The following DOCK8 variants were observed in gnomAD, a reference collection of about 807,000 sequenced individuals.
The protein encoded by DOCK8 is dedicator of cytokinesis protein 8.
DOCK8 carries 141 observed loss-of-function variants against 245.6 expected under a neutral mutation model. The ratio of observed to expected loss-of-function variants is 0.57; its 90% CI spans 0.50 to 0.66. The LOEUF is 0.66. Ranked by LOEUF, DOCK8 falls within the 30% of genes least tolerant of loss-of-function variation. DOCK8 has a pLI of 0.00. For synonymous variants in DOCK8, 1,168 were observed against 970.2 expected (o/e 1.20, Z -3.79); for missense variants, 2,965 against 2,603.4 (o/e 1.14, Z -3.02).
chr9:443,552 C>G (rs1370830063), intron 43 of DOCK8, 36 bp downstream of exon 43: 1 of 1,532,090 alleles, frequency 6.5e-7, no homozygotes. Context: ...CCATCAAGCT[C>G]TAAATCCCTT....
chr9:352,324 G>A lies in DOCK8; in HGVS notation c.1679+12003G>A, dbSNP rs774487779. ...TCCTCACCGTGATGCTCTTGGGGTG[G>A]AACAAAAGAGCCCAGAGAGAATATG... On this transcript the variant is annotated intron_variant, in intron 14 of 47. Transcript: ENST00000432829. Among the ~76,000 whole-genome samples the A allele has an allele frequency of 3.9e-5, 6 of 152,066 alleles. No individual in the cohort carries two copies. The South Asian group carries it at 6.2e-4, about 16-fold the overall frequency.
At position 271,663 on chromosome 9, in the gene DOCK8, C is replaced by G. The variant is rs1291085702; in HGVS notation, c.90C>G (p.Leu30=). 3.2e-6 allele frequency: 5 copies of G among 1,551,510 alleles called. No homozygotes were observed. Among genetic ancestry groups the G allele is most frequent in the African/African-American group, 1.4e-5 (1 of 73,034 alleles). ...CGGAAATAAGGAAACAGTTTACTCT[C>G]CCACCAAACCTTGGCCAGTACCATC... ...SSAEIRKQFT[L]PPNLGQYHRQ... Residue 30 remains leucine (L), a synonymous_variant, in exon 2 of 48, where the codon CTC becomes CTG. Coordinates refer to ENST00000432829, the MANE Select transcript of DOCK8 (RefSeq NM_203447.4).
chr9:364,935 TG>T (rs1362054492), intron 14 of DOCK8, among the ~76,000 whole-genome samples: 1 of 152,168 alleles, frequency 6.6e-6, no homozygotes, highest in Non-Finnish European at 1.5e-5. Context: ...ATATGACACA[TG>T]AGCTCAACCC....
intron 30 of DOCK8, among the ~76,000 whole-genome samples, chr9:419,867 T>G (rs2056201792): frequency 6.6e-6 from 1 of 152,202 alleles, no homozygotes; most frequent in Non-Finnish European, 1.5e-5. Flanking sequence ...TCCACAAACA[T>G]GGATTTGATT....
intron 1 of DOCK8, among the ~76,000 whole-genome samples, chr9:249,608 T>A (rs1214762064): frequency 3.9e-5 from 6 of 152,046 alleles, no homozygotes; most frequent in Non-Finnish European, 7.4e-5. Flanking sequence ...TCTTATTTTT[T>A]AATTTTTTTA....
chr9:311,547 TG>T (rs2130691162), intron 5 of DOCK8, among the ~76,000 whole-genome samples: 1 of 151,986 alleles, frequency 6.6e-6, no homozygotes, highest in African/African-American at 2.4e-5. Flanking sequence ...CCACTGCACC[TG>T]GCCCAGTCTC....
At position 415,695 on chromosome 9, in the gene DOCK8, C is replaced by A. The variant is rs574796797; in HGVS notation, c.3700+744C>A. Among the ~76,000 whole-genome samples, 222 of 147,896 alleles carry A rather than the reference C, an allele frequency of 1.5e-3. 1 individual carries two copies. The highest frequency in any genetic ancestry group is 5.1e-3 in the African/African-American group (209 of 41,026). The stretch of plus-strand genomic sequence containing the variant: ...GTGTGCACGTGTGTGCGCGCGTGCA[C>A]ACACACACACACACAATTCCTATCC... On this transcript the variant is annotated intron_variant, in intron 29 of 47. Coordinates refer to ENST00000432829, the MANE Select transcript of DOCK8 (RefSeq NM_203447.4).
At chr9:428,814 C>T (rs2056597670) in intron 35 of DOCK8, among the ~76,000 whole-genome samples, 1 of 152,164 alleles carries the variant, frequency 6.6e-6, no homozygotes, top group African/African-American at 2.4e-5. Context: ...TCTGTAATAC[C>T]TCTGCTGAGT....
intron 26 of DOCK8, among the ~76,000 whole-genome samples, chr9:399,460 A>G (rs1231521896): frequency 6.6e-6 from 1 of 152,028 alleles, no homozygotes; most frequent in African/African-American, 2.4e-5. Flanking sequence ...TTCCTGGAGC[A>G]TTTACCGACA....
At chr9:220,814 G>A (rs1047231159) in intron 1 of DOCK8, 16 of 354,474 alleles carry the variant, frequency 4.5e-5, no homozygotes, top group Admixed American at 2.6e-4. Context: ...TCTGCCTCCC[G>A]GATTCAAGCG....
intron 4 of DOCK8, 146 bp downstream of exon 4, chr9:289,727 C>T: frequency 1.6e-6 from 1 of 640,164 alleles, no homozygotes; most frequent in Non-Finnish European, 2.7e-6. Flanking sequence ...TCCTTATCCC[C>T]ACTCCATATC....
intron 5 of DOCK8, 70 bp downstream of exon 5, chr9:304,774 A>G (rs995022384): frequency 6.2e-7 from 1 of 1,606,918 alleles, no homozygotes; most frequent in African/African-American, 1.3e-5. Flanking sequence ...TGTCAGTTTT[A>G]CAAACTAGAA....
At chr9:389,284 GT>G (rs2131344762) in intron 23 of DOCK8, among the ~76,000 whole-genome samples, 1 of 152,308 alleles carries the variant, frequency 6.6e-6, no homozygotes, top group Non-Finnish European at 1.5e-5. Context: ...CAGATATGCT[GT>G]AGAATGGAAA....
At chr9:275,089 C>G (rs941950965) in intron 2 of DOCK8, among the ~76,000 whole-genome samples, 1 of 152,176 alleles carries the variant, frequency 6.6e-6, no homozygotes, top group East Asian at 1.9e-4. Context: ...TTGTGACAAG[C>G]CACTTAATCT....
chr9:263,035 C>T (rs921220071), intron 1 of DOCK8, among the ~76,000 whole-genome samples: 9 of 152,076 alleles, frequency 5.9e-5, no homozygotes, highest in Non-Finnish European at 1.0e-4. Context: ...GGTGAAACCC[C>T]GTCTTTACTA....
At chr9:215,246 T>C in intron 1 of DOCK8, 1 of 1,588,850 alleles carries the variant, frequency 6.3e-7, no homozygotes, top group South Asian at 1.1e-5. Context: ...TCCCCAAGAA[T>C]CTCGGTGCTC....
intron 37 of DOCK8, among the ~76,000 whole-genome samples, chr9:433,302 C>T (rs185514254): frequency 2.0e-5 from 3 of 152,298 alleles, no homozygotes; most frequent in East Asian, 1.9e-4. Flanking sequence ...CAGAGGGGAA[C>T]GGGGATAAGA....
chr9:440,124 C>G lies in DOCK8; in HGVS notation c.5223+736C>G, dbSNP rs138801070. Among the ~76,000 whole-genome samples, 845 of 152,144 alleles carry G rather than the reference C, an allele frequency of 5.6e-3. 8 individuals carry two copies. Among genetic ancestry groups the G allele is most frequent in the African/African-American group, 0.02 (810 of 41,518 alleles). ...GCCTCTACCTCCAGGGTTCAAGCAA[C>G]TCTCCTGCCTCAGCCTCATGAGTAG... On this transcript the variant is annotated intron_variant, in intron 40 of 47. Coordinates refer to ENST00000432829, the MANE Select transcript of DOCK8 (RefSeq NM_203447.4).
At chr9:280,129 G>A (rs1475715516) in intron 2 of DOCK8, among the ~76,000 whole-genome samples, 2 of 152,166 alleles carry the variant, frequency 1.3e-5, no homozygotes, top group African/African-American at 4.8e-5. Context: ...AGGGGCAAGG[G>A]AAATCTCAAA....
Sources: allele counts gnomAD v4.1 joint callset (sites outside exome capture counted in the v4.1 genomes callset), GRCh38; gene constraint gnomAD v4.1.1; transcripts MANE v1.5; gene names NCBI Gene and HGNC (gene_info 2026-07-23, HGNC 2026-07-21).